ELMO1: variants seen among roughly 807,000 people sequenced by gnomAD.
ELMO1 encodes the protein engulfment and cell motility protein 1.
In ELMO1, 26 loss-of-function variants were observed where a neutral mutation model predicts 98.9. The observed-to-expected ratio is 0.26, with a 90% CI of 0.19 to 0.36. The LOEUF is 0.36. Among genes scored for constraint, ELMO1 ranks in the 10% least tolerant of loss-of-function variants. The probability of loss-of-function intolerance (pLI) is 1.00; values close to 1 mark genes in which losing one functional copy is unlikely to be tolerated. For missense variants in ELMO1, 627 were observed against 935.2 expected, an observed-to-expected ratio of 0.67 and a Z score of 4.30; for synonymous variants, 346 against 346.0, an observed-to-expected ratio of 1.00 and a Z score of 0.00.
intron 1 of ELMO1, among the ~76,000 whole-genome samples, chr7:37,378,785 C>A (rs540731845): frequency 5.3e-5 from 8 of 152,064 alleles, no homozygotes; most frequent in African/African-American, 1.9e-4. Context: ...ATATTCAAAA[C>A]TAACAGATCC....
chr7:37,097,788 GAGACCT>G (rs1393126568), intron 14 of ELMO1, among the ~76,000 whole-genome samples: 2 of 152,118 alleles, frequency 1.3e-5, no homozygotes, highest in African/African-American at 4.8e-5. Flanking sequence ...GAGACAGCAA[GAGACCT>G]AGAAGTGTTT....
intron 15 of ELMO1, among the ~76,000 whole-genome samples, chr7:37,015,612 G>T (rs1793882736): frequency 1.3e-5 from 2 of 151,902 alleles, no homozygotes; most frequent in Non-Finnish European, 1.5e-5. Context: ...CCAAAAAACA[G>T]AAAAAAAGAA....
intron 13 of ELMO1, among the ~76,000 whole-genome samples, chr7:37,188,486 GT>G (rs1246946829): frequency 4.7e-5 from 2 of 42,884 alleles, no homozygotes; most frequent in Admixed American, 2.6e-4. Flanking sequence ...CTGGAGAAAG[GT>G]AAAAAAAAAA....
At chr7:37,315,006 G>A in intron 3 of ELMO1, 84 bp from the exon 4 acceptor site, 1 of 1,235,586 alleles carries the variant, frequency 8.1e-7, no homozygotes. Flanking sequence ...GATGAACTAA[G>A]CACCCTGTGA....
intron 16 of ELMO1, among the ~76,000 whole-genome samples, chr7:36,972,844 G>A (rs553864682): frequency 1.3e-5 from 2 of 152,126 alleles, no homozygotes; most frequent in African/African-American, 2.4e-5. Flanking sequence ...ACAATGGCGC[G>A]ATCTCGGCTC....
At chr7:37,213,578 G>C in intron 11 of ELMO1, 121 bp from the exon 12 acceptor site, 4 of 884,266 alleles carry the variant, frequency 4.5e-6, no homozygotes, top group Non-Finnish European at 6.6e-6. Context: ...GAGAAGGAAG[G>C]TGAGGGCACA....
At chr7:37,442,897 T>C (rs1011708106) in intron 1 of ELMO1, among the ~76,000 whole-genome samples, 1 of 152,208 alleles carries the variant, frequency 6.6e-6, no homozygotes, top group Non-Finnish European at 1.5e-5. Flanking sequence ...GCAGACATCA[T>C]GGTGCAGGAG....
intron 1 of ELMO1, among the ~76,000 whole-genome samples, chr7:37,426,448 C>T (rs771697468): frequency 5.9e-5 from 9 of 151,992 alleles, no homozygotes; most frequent in Non-Finnish European, 1.3e-4. Context: ...GCCACCACAC[C>T]CATCTTGTAT....
chr7:36,906,161 C>T (rs899346631), intron 16 of ELMO1, among the ~76,000 whole-genome samples: 2 of 152,216 alleles, frequency 1.3e-5, no homozygotes, highest in East Asian at 3.9e-4. Flanking sequence ...TCCAGCAAAT[C>T]ACCCTGGGAG....
At chr7:36,966,759 T>C (rs1789469901) in intron 16 of ELMO1, among the ~76,000 whole-genome samples, 1 of 152,222 alleles carries the variant, frequency 6.6e-6, no homozygotes, top group Non-Finnish European at 1.5e-5. Flanking sequence ...AAAGAAACTT[T>C]GACCATAAGA....
intron 1 of ELMO1, among the ~76,000 whole-genome samples, chr7:37,424,262 G>A (rs987518516): frequency 1.2e-4 from 19 of 152,190 alleles, no homozygotes; most frequent in African/African-American, 4.1e-4. Flanking sequence ...GGGCAGCTCC[G>A]AATCTCCAGT....
At chr7:37,243,475 T>C (rs1335526194) in intron 7 of ELMO1, among the ~76,000 whole-genome samples, 10 of 152,188 alleles carry the variant, frequency 6.6e-5, no homozygotes, top group Non-Finnish European at 1.3e-4. Context: ...CTGTATTAAA[T>C]ACATCAAAAT....
At chr7:37,007,554 C>T (rs1584506985) in intron 16 of ELMO1, among the ~76,000 whole-genome samples, 1 of 152,196 alleles carries the variant, frequency 6.6e-6, no homozygotes, top group Admixed American at 6.5e-5. Flanking sequence ...AGCTAACCAA[C>T]AGAGCGCCGT....
At chr7:36,985,489 G>A (rs1047915138) in intron 16 of ELMO1, among the ~76,000 whole-genome samples, 4 of 152,090 alleles carry the variant, frequency 2.6e-5, no homozygotes, top group African/African-American at 4.8e-5. Context: ...ACAGACCATT[G>A]TAATAACATC....
intron 13 of ELMO1, among the ~76,000 whole-genome samples, chr7:37,157,384 TTGCAGA>T (rs1432076184): frequency 6.6e-6 from 1 of 152,208 alleles, no homozygotes; most frequent in Non-Finnish European, 1.5e-5. Context: ...TTGTCTCTGC[TTGCAGA>T]TGACATGATT....
chr7:37,154,479 A>C (rs1788588617), intron 13 of ELMO1, among the ~76,000 whole-genome samples: 1 of 152,256 alleles, frequency 6.6e-6, no homozygotes, highest in South Asian at 2.1e-4. Flanking sequence ...AAATGACCTG[A>C]TGGAGCTGAA....
At chr7:36,928,101 T>TTTTA (rs149146082) in intron 16 of ELMO1, among the ~76,000 whole-genome samples, 3 of 152,076 alleles carry the variant, frequency 2.0e-5, no homozygotes, top group Non-Finnish European at 2.9e-5. Flanking sequence ...GATTCAAAAG[T>TTTTA]TTTATTTATT....
chr7:37,232,057 T>C (rs917082402), intron 8 of ELMO1, among the ~76,000 whole-genome samples: 10 of 152,154 alleles, frequency 6.6e-5, no homozygotes, highest in Admixed American at 6.5e-4. Flanking sequence ...TTCACCATGT[T>C]GGTCAAGCTG....
intron 16 of ELMO1, among the ~76,000 whole-genome samples, chr7:36,940,262 A>T (rs1482446471): frequency 3.3e-5 from 5 of 152,232 alleles, no homozygotes; most frequent in African/African-American, 1.2e-4. Context: ...TGGTGAAAGC[A>T]ACCTTAGATA....
Sources: allele counts gnomAD v4.1 joint callset (sites outside exome capture counted in the v4.1 genomes callset), GRCh38; gene constraint gnomAD v4.1.1; transcripts MANE v1.5; gene names NCBI Gene and HGNC (gene_info 2026-07-23, HGNC 2026-07-21).